Variants in PPARGC1A observed in about 807,000 individuals in gnomAD.
The protein encoded by PPARGC1A is PPARG coactivator 1 alpha.
Under a neutral mutation model 88.7 loss-of-function variants are expected in PPARGC1A, and 25 were observed. That is an observed-to-expected ratio of 0.28 (90% CI 0.21 to 0.39). The LOEUF (loss-of-function observed/expected upper bound fraction) is 0.39. Ranked by LOEUF, PPARGC1A falls within the 10% of genes least tolerant of loss-of-function variation. The pLI is 1.00. For missense variants in PPARGC1A, 880 were observed against 968.7 expected (o/e 0.91, Z 1.22); for synonymous variants, 363 against 355.6 (o/e 1.02, Z -0.24).
At chr4:23,862,722 T>A (rs1731434503) in intron 2 of PPARGC1A, among the ~76,000 whole-genome samples, 1 of 152,192 alleles carries the variant, frequency 6.6e-6, no homozygotes, top group South Asian at 2.1e-4. Flanking sequence ...TACTGTAGTA[T>A]TATTATTATT....
upstream of PPARGC1A, among the ~76,000 whole-genome samples, chr4:23,904,383 C>T (rs2148888196): frequency 6.6e-6 from 1 of 152,162 alleles, no homozygotes; most frequent in East Asian, 1.9e-4. Flanking sequence ...TGTAATTTTT[C>T]CTTGGTGCAC....
the PPARGC1A span, among the ~76,000 whole-genome samples, chr4:24,060,340 A>C: frequency 2.0e-5 from 3 of 152,246 alleles, no homozygotes; most frequent in Non-Finnish European, 4.4e-5. Flanking sequence ...TACCCCGTTA[A>C]ACAATATTAC....
At chr4:24,089,062 G>A in the PPARGC1A span, among the ~76,000 whole-genome samples, 1 of 152,178 alleles carries the variant, frequency 6.6e-6, no homozygotes, top group Non-Finnish European at 1.5e-5. Flanking sequence ...GCACTATGGT[G>A]GGAAAATAGT....
the PPARGC1A span, among the ~76,000 whole-genome samples, chr4:24,287,665 C>CA: frequency 8.6e-5 from 13 of 151,344 alleles, no homozygotes; most frequent in East Asian, 9.8e-4. Context: ...CACACACACA[C>CA]AACTGCACTC....
At chr4:24,082,329 C>T in the PPARGC1A span, among the ~76,000 whole-genome samples, 5 of 152,110 alleles carry the variant, frequency 3.3e-5, no homozygotes, top group Non-Finnish European at 7.4e-5. Context: ...TTTACATGGA[C>T]TTTATGAGAG....
chr4:24,122,436 TAG>T, the PPARGC1A span, among the ~76,000 whole-genome samples: 3,192 of 124,150 alleles, frequency 0.026, 86 homozygotes, highest in African/African-American at 0.069. Flanking sequence ...TATATATATA[TAG>T]AGAGAGAGAG....
At chr4:24,079,646 T>A in the PPARGC1A span, among the ~76,000 whole-genome samples, 1 of 152,018 alleles carries the variant, frequency 6.6e-6, no homozygotes, top group African/African-American at 2.4e-5. Context: ...TCATTTATGC[T>A]TAGAGGCCTT....
chr4:23,956,076 A>G, the PPARGC1A span, among the ~76,000 whole-genome samples: 2 of 152,168 alleles, frequency 1.3e-5, no homozygotes, highest in Non-Finnish European at 2.9e-5. Context: ...TAATTGTTAT[A>G]TAACACAAAA....
rs574203083 is a variant in PPARGC1A at position 23,828,578 on chromosome 4, C to T, written c.579G>A (p.Ala193=). 47 of 1,614,052 alleles carry T rather than the reference C, an allele frequency of 2.9e-5. No individual in the cohort carries two copies. Among genetic ancestry groups the T allele is most frequent in the Admixed American group, 1.2e-4 (7 of 59,996 alleles). ...VKTENSWSNK[A]KSICQQQKPQ... ...GCTTTTGCTGTTGACAAATACTCTT[C>T]GCTTTATTGCTCCATGAATTCTCAG... Residue 193 remains alanine (A), a synonymous_variant, in exon 5 of 13, where the codon GCG becomes GCA. Coordinates refer to ENST00000264867, the MANE Select transcript of PPARGC1A (RefSeq NM_013261.5).
At chr4:23,837,598 G>C (rs1262338632) in intron 2 of PPARGC1A, among the ~76,000 whole-genome samples, 1 of 152,020 alleles carries the variant, frequency 6.6e-6, no homozygotes. Flanking sequence ...CTGCTGACTT[G>C]GAAACAGCTA....
the PPARGC1A span, among the ~76,000 whole-genome samples, chr4:23,977,838 A>G: frequency 1.3e-5 from 2 of 152,210 alleles, no homozygotes; most frequent in African/African-American, 4.8e-5. Flanking sequence ...CTGTTTGTCA[A>G]AAATTTAAAG....
At chr4:24,313,607 G>A in the PPARGC1A span, among the ~76,000 whole-genome samples, 1 of 152,308 alleles carries the variant, frequency 6.6e-6, no homozygotes, top group East Asian at 1.9e-4. Flanking sequence ...CCAACAGACT[G>A]GTTGATCAAA....
At chr4:24,213,432 C>A in the PPARGC1A span, among the ~76,000 whole-genome samples, 3 of 152,090 alleles carry the variant, frequency 2.0e-5, no homozygotes, top group Non-Finnish European at 4.4e-5. Flanking sequence ...TCCCAAAGTG[C>A]GGGGATTACA....
the PPARGC1A span, among the ~76,000 whole-genome samples, chr4:24,317,986 A>C: frequency 6.6e-6 from 1 of 152,202 alleles, no homozygotes; most frequent in African/African-American, 2.4e-5. Flanking sequence ...TATGGGGTAA[A>C]AGGTGAAGTT....
the PPARGC1A span, among the ~76,000 whole-genome samples, chr4:23,987,604 A>G: frequency 6.6e-6 from 1 of 151,826 alleles, no homozygotes; most frequent in African/African-American, 2.4e-5. Context: ...CCATGTCCAT[A>G]AGCAGTGTCT....
At chr4:24,396,017 T>C in the PPARGC1A span, among the ~76,000 whole-genome samples, 1 of 152,208 alleles carries the variant, frequency 6.6e-6, no homozygotes, top group African/African-American at 2.4e-5. Context: ...CTTCAATCCA[T>C]TGCTCACCTC....
At chr4:24,060,800 C>T in the PPARGC1A span, among the ~76,000 whole-genome samples, 1 of 152,118 alleles carries the variant, frequency 6.6e-6, no homozygotes, top group African/African-American at 2.4e-5. Context: ...GAGCACTGGG[C>T]ACGTATTAGT....
the PPARGC1A span, among the ~76,000 whole-genome samples, chr4:24,412,786 A>T: frequency 6.6e-6 from 1 of 152,170 alleles, no homozygotes; most frequent in Non-Finnish European, 1.5e-5. Context: ...CAGCTGGTGA[A>T]GTTTTATGGG....
At chr4:24,293,866 A>G in the PPARGC1A span, among the ~76,000 whole-genome samples, 1 of 152,160 alleles carries the variant, frequency 6.6e-6, no homozygotes, top group Non-Finnish European at 1.5e-5. Context: ...GAATATAGAA[A>G]TATTTTCTCC....
Sources: gnomAD v4.1 joint callset for allele counts (sites outside exome capture counted in the v4.1 genomes callset) on GRCh38, gnomAD v4.1.1 for gene constraint, MANE v1.5 for transcripts, NCBI Gene and HGNC (gene_info 2026-07-23, HGNC 2026-07-21) for gene names.